MTA3: variants seen among roughly 807,000 people sequenced by gnomAD.
The protein encoded by MTA3 is metastasis-associated protein MTA3.
MTA3 carries 34 observed loss-of-function variants against 83.5 expected under a neutral mutation model. The ratio of observed to expected loss-of-function variants is 0.41; its 90% CI spans 0.31 to 0.54. MTA3 has a LOEUF of 0.54. MTA3 is among the 20% of genes least tolerant of loss of function. MTA3 has a pLI of 0.33. For synonymous variants in MTA3, 303 were observed against 252.7 expected, an observed-to-expected ratio of 1.20 and a Z score of -1.89; for missense variants, 761 against 726.4, an observed-to-expected ratio of 1.05 and a Z score of -0.55.
intron 2 of MTA3, among the ~76,000 whole-genome samples, chr2:42,556,741 G>A (rs1363535504): frequency 6.6e-6 from 1 of 152,184 alleles, no homozygotes; most frequent in Non-Finnish European, 1.5e-5. Flanking sequence ...GATCTGAGGG[G>A]CCTTTGAGGG....
At chr2:42,523,782 G>C (rs1675539335) in intron 2 of MTA3, among the ~76,000 whole-genome samples, 1 of 152,060 alleles carries the variant, frequency 6.6e-6, no homozygotes, top group Admixed American at 6.6e-5. Context: ...GCTGGGTGTG[G>C]TGGTGCATGC....
At chr2:42,700,625 G>A (rs1693781349) in intron 11 of MTA3, among the ~76,000 whole-genome samples, 1 of 151,998 alleles carries the variant, frequency 6.6e-6, no homozygotes, top group South Asian at 2.1e-4. Flanking sequence ...CATATTTCTG[G>A]TAAACCTCTG....
At chr2:42,530,957 G>A (rs755548052) in intron 2 of MTA3, among the ~76,000 whole-genome samples, 1 of 152,070 alleles carries the variant, frequency 6.6e-6, no homozygotes, top group Non-Finnish European at 1.5e-5. Context: ...AGCTCCCCGA[G>A]TATCTGGGAC....
At chr2:42,535,631 G>A (rs1296592191) in intron 2 of MTA3, among the ~76,000 whole-genome samples, 1 of 152,158 alleles carries the variant, frequency 6.6e-6, no homozygotes, top group Non-Finnish European at 1.5e-5. Flanking sequence ...CTTCTAGAGA[G>A]GGTGGGAAGT....
chr2:42,729,567 T>C (rs1299595154), intron 16 of MTA3, among the ~76,000 whole-genome samples: 1 of 152,228 alleles, frequency 6.6e-6, no homozygotes, highest in Non-Finnish European at 1.5e-5. Flanking sequence ...CTTGGCACCA[T>C]TGTTTTAAAT....
In MTA3 at chr2:42,608,217, C is replaced by T. The variant is rs536938471; in HGVS notation, c.191-1241C>T. 3.9e-5 allele frequency among the ~76,000 whole-genome samples: 6 copies of T among 152,288 alleles called. No individual in the cohort carries two copies. In the South Asian group the frequency reaches 8.3e-4, roughly 21 times the overall value. ...ATTCAGTTAGCTGTGTCTTATACAA[C>T]AACAATTTGTCAAATCCTAATTAGG... On this transcript the variant is annotated intron_variant, in intron 3 of 16. Transcript: ENST00000405094.
chr2:42,507,049 C>G (rs893484301), intron 2 of MTA3, among the ~76,000 whole-genome samples: 1 of 152,124 alleles, frequency 6.6e-6, no homozygotes, highest in Non-Finnish European at 1.5e-5. Context: ...GAGTAGCATG[C>G]GTGATCACGC....
At position 42,647,960 on chromosome 2, in the gene MTA3, C is replaced by T. The variant is rs573892674; in HGVS notation, c.499+3716C>T. ...TTCAAGCAATTTTCTCCTGCATCAG[C>T]CTCCCAAGTGGCTGGGATTACAGGT... On this transcript the variant is annotated intron_variant, in intron 6 of 16. Coordinates refer to ENST00000405094, the MANE Select transcript of MTA3 (RefSeq NM_001330442.2). Among the ~76,000 whole-genome samples, 6 of 152,326 alleles carry T rather than the reference C, an allele frequency of 3.9e-5. No homozygotes were observed. In the South Asian group the frequency reaches 1.0e-3, roughly 26 times the overall value.
Position 42,568,731 on chromosome 2 carries a change from G to A in MTA3, c.-15G>A. 1 of 1,209,200 alleles carries A rather than the reference G, an allele frequency of 8.3e-7. No homozygotes were observed. Among genetic ancestry groups the A allele is most frequent in the Non-Finnish European group, 1.0e-6 (1 of 973,554 alleles). 74.9% of individuals were successfully genotyped at this position (1,209,200 alleles called of 1,614,324 possible). On this transcript the variant is annotated 5_prime_UTR_variant, in exon 1 of 17. Transcript: ENST00000405094. Reference sequence around the variant, plus strand: ...GGCGGGGCTCGGCTCGGGCTCCGCGGGCGGGCGGGCGGACATGGCGGCCAA... The same window carrying A: ...GGCGGGGCTCGGCTCGGGCTCCGCGAGCGGGCGGGCGGACATGGCGGCCAA...
At chr2:42,690,484 A>G (rs2104457000) in intron 9 of MTA3, among the ~76,000 whole-genome samples, 1 of 152,000 alleles carries the variant, frequency 6.6e-6, no homozygotes, top group South Asian at 2.1e-4. Flanking sequence ...GTGACTGAGT[A>G]TGTTCTTCTT....
chr2:42,577,103 A>AT (rs751491575), intron 2 of MTA3, among the ~76,000 whole-genome samples: 2 of 73,606 alleles, frequency 2.7e-5, no homozygotes, highest in Non-Finnish European at 5.2e-5. Context: ...AAAAAAAAAA[A>AT]AAATATATAT....
chr2:42,591,052 T>G (rs1365730829), intron 3 of MTA3, among the ~76,000 whole-genome samples: 2 of 152,158 alleles, frequency 1.3e-5, no homozygotes, highest in Non-Finnish European at 2.9e-5. Flanking sequence ...TTCTGAGAGA[T>G]GCGTCATTAG....
At chr2:42,538,766 TG>T (rs1389002476) in intron 2 of MTA3, among the ~76,000 whole-genome samples, 100 of 94,120 alleles carry the variant, frequency 1.1e-3, no homozygotes, top group African/African-American at 2.4e-3. Flanking sequence ...ATGTTTTTTT[TG>T]TTTTTTTTTG....
At chr2:42,716,032 C>T (rs777570115) in intron 14 of MTA3, among the ~76,000 whole-genome samples, 2 of 152,186 alleles carry the variant, frequency 1.3e-5, no homozygotes, top group Non-Finnish European at 2.9e-5. Flanking sequence ...GCGTTTGATC[C>T]TTACAGGCTT....
Position 42,755,113 on chromosome 2 carries a change from C to T in MTA3, c.*1714C>T. Reference sequence around the variant, plus strand: ...GGTTCCCACTGAGGGGTCCCTTCAGCAAAGACCTGGGAGGAGGTGCCGCAT... The same window carrying T: ...GGTTCCCACTGAGGGGTCCCTTCAGTAAAGACCTGGGAGGAGGTGCCGCAT... On this transcript the variant is annotated 3_prime_UTR_variant, in exon 17 of 17. Transcript: ENST00000405094. 1.0e-6 allele frequency: 1 copy of T among 985,476 alleles called. No homozygotes were observed. The highest frequency in any genetic ancestry group is 1.2e-6 in the Non-Finnish European group (1 of 830,012). 61.0% of individuals were successfully genotyped at this position (985,476 alleles called of 1,614,324 possible).
At chr2:42,631,809 C>T (rs946650276) in intron 4 of MTA3, among the ~76,000 whole-genome samples, 5 of 152,034 alleles carry the variant, frequency 3.3e-5, no homozygotes, top group Non-Finnish European at 5.9e-5. Flanking sequence ...CCTGCCTCAG[C>T]CTCCCAAGTA....
intron 2 of MTA3, among the ~76,000 whole-genome samples, chr2:42,537,654 G>A (rs1033802385): frequency 6.6e-6 from 1 of 152,114 alleles, no homozygotes; most frequent in Admixed American, 6.6e-5. Context: ...GATTAGAAGA[G>A]GCTGAGGAGC....
At chr2:42,671,369 T>C (rs1359389616) in intron 8 of MTA3, among the ~76,000 whole-genome samples, 2 of 152,146 alleles carry the variant, frequency 1.3e-5, no homozygotes, top group Non-Finnish European at 2.9e-5. Context: ...TAACCTTTTT[T>C]TCTTGATTGT....
intron 2 of MTA3, among the ~76,000 whole-genome samples, chr2:42,524,323 T>C (rs1314523560): frequency 1.3e-5 from 2 of 151,562 alleles, no homozygotes; most frequent in Non-Finnish European, 2.9e-5. Flanking sequence ...TTTTTTTAAA[T>C]GGAGTCTCAC....
Sources: allele counts gnomAD v4.1 joint callset (sites outside exome capture counted in the v4.1 genomes callset), GRCh38; gene constraint gnomAD v4.1.1; transcripts MANE v1.5; gene names NCBI Gene and HGNC (gene_info 2026-07-23, HGNC 2026-07-21).